Variants in DNAH9 observed in about 807,000 individuals in gnomAD.
The protein encoded by DNAH9 is DNAH9 variant protein.
DNAH9 carries 345 observed loss-of-function variants against 471.6 expected under a neutral mutation model. That is an observed-to-expected ratio of 0.73 (90% CI 0.67 to 0.80). The LOEUF is 0.80. Ranked by LOEUF, DNAH9 falls within the 30% of genes least tolerant of loss-of-function variation. The pLI is 0.00. For missense variants in DNAH9, 5,407 were observed against 5,609.2 expected, an observed-to-expected ratio of 0.96 and a Z score of 1.15; for synonymous variants, 2,093 against 2,123.6, an observed-to-expected ratio of 0.99 and a Z score of 0.40.
intron 61 of DNAH9, among the ~76,000 whole-genome samples, chr17:11,921,419 AAGATGTTAAAAGAGGTTG>A (rs1974135796): frequency 6.6e-6 from 1 of 152,132 alleles, no homozygotes; most frequent in South Asian, 2.1e-4. Context: ...GCACACCGTA[AAGATGTTAAAAGAGGTTG>A]ACAGTGGGGC....
intron 48 of DNAH9, among the ~76,000 whole-genome samples, chr17:11,825,875 AG>A (rs1381154235): frequency 6.6e-6 from 1 of 152,240 alleles, no homozygotes; most frequent in Non-Finnish European, 1.5e-5. Flanking sequence ...TCTAGGAAAT[AG>A]GCAGGCAATT....
At chr17:11,903,776 T>C (rs1305727671) in intron 60 of DNAH9, among the ~76,000 whole-genome samples, 3 of 152,106 alleles carry the variant, frequency 2.0e-5, no homozygotes, top group African/African-American at 7.2e-5. Context: ...CTGGGCGTGG[T>C]GGCGCATTCC....
intron 56 of DNAH9, chr17:11,884,329 G>C: frequency 3.9e-6 from 1 of 254,476 alleles, no homozygotes; most frequent in Non-Finnish European, 8.0e-6. Context: ...CCCCCTGTGA[G>C]GACTAGAAGA....
intron 49 of DNAH9, among the ~76,000 whole-genome samples, chr17:11,849,185 A>G (rs1971327842): frequency 6.6e-6 from 1 of 152,048 alleles, no homozygotes; most frequent in African/African-American, 2.4e-5. Context: ...GCTCGAAAAT[A>G]TGTCCCAAAT....
chr17:11,890,721 T>A (rs1973021741), intron 57 of DNAH9, among the ~76,000 whole-genome samples: 1 of 152,212 alleles, frequency 6.6e-6, no homozygotes, highest in African/African-American at 2.4e-5. Flanking sequence ...TTTCTTAGGT[T>A]ATTTTGAGAC....
intron 45 of DNAH9, among the ~76,000 whole-genome samples, chr17:11,817,761 G>A (rs1448960719): frequency 6.6e-6 from 1 of 152,234 alleles, no homozygotes; most frequent in Non-Finnish European, 1.5e-5. Flanking sequence ...GTAAGATCTT[G>A]ATTTTGACAA....
intron 1 of DNAH9, among the ~76,000 whole-genome samples, chr17:11,601,396 A>G (rs1235346870): frequency 6.6e-6 from 1 of 152,146 alleles, no homozygotes; most frequent in Non-Finnish European, 1.5e-5. Context: ...AAGAGAGGAC[A>G]TTCTTTAACA....
At chr17:11,655,429 T>G (rs1016800322) in intron 14 of DNAH9, among the ~76,000 whole-genome samples, 2 of 151,310 alleles carry the variant, frequency 1.3e-5, no homozygotes, top group African/African-American at 2.4e-5. Context: ...AGATAAAAAT[T>G]TCTTCTGTTC....
intron 56 of DNAH9, chr17:11,884,513 GACGGAAGATGCTT>G (rs1972822078): frequency 4.4e-6 from 2 of 454,968 alleles, no homozygotes; most frequent in African/African-American, 4.0e-5. Context: ...ATATACCTTT[GACGGAAGATGCTT>G]ATTGCCAGAT....
chr17:11,866,199 T>G (rs977762767), intron 50 of DNAH9, among the ~76,000 whole-genome samples: 80 of 151,748 alleles, frequency 5.3e-4, no homozygotes, highest in Non-Finnish European at 1.1e-3. Flanking sequence ...GTTTTTGGTG[T>G]GGATGTCCTT....
chr17:11,963,382 C>T (rs919307605), intron 68 of DNAH9, among the ~76,000 whole-genome samples: 1 of 151,270 alleles, frequency 6.6e-6, no homozygotes, highest in African/African-American at 2.4e-5. Context: ...TGCAGTGAGC[C>T]GAGATCGCAC....
Position 11,694,733 on chromosome 17 carries a change from T to C in DNAH9, c.4872+286T>C, listed in dbSNP as rs1221261342. On this transcript the variant is annotated intron_variant, in intron 22 of 68. Coordinates refer to ENST00000262442, the MANE Select transcript of DNAH9 (RefSeq NM_001372.4). ...CTCTCTCTCTCTCTCTCTCTTTCTC[T>C]TTCTTTCTTTCTTTCTTTCCTTCCT... Among the ~76,000 whole-genome samples, 4 of 3,758 alleles carry C rather than the reference T, an allele frequency of 1.1e-3. 2 individuals carry two copies. The highest frequency in any genetic ancestry group is 1.7e-3 in the African/African-American group (4 of 2,382). 2.5% of individuals were successfully genotyped at this position (3,758 alleles called of 152,430 possible). A position where few individuals can be genotyped will look rare whatever the true frequency, so the allele number is the denominator to read the frequency against.
At chr17:11,885,644 T>A (rs1018575367) in intron 56 of DNAH9, among the ~76,000 whole-genome samples, 4 of 152,230 alleles carry the variant, frequency 2.6e-5, no homozygotes, top group African/African-American at 9.6e-5. Context: ...ATGCCTGTTC[T>A]TTTTCATAAT....
intron 4 of DNAH9, among the ~76,000 whole-genome samples, chr17:11,614,650 A>G (rs1303816629): frequency 6.6e-6 from 1 of 152,192 alleles, no homozygotes; most frequent in East Asian, 1.9e-4. Context: ...TGAGGCTGAG[A>G]AGTTCGAGAT....
intron 26 of DNAH9, among the ~76,000 whole-genome samples, chr17:11,717,286 A>G (rs1246499919): frequency 6.6e-6 from 1 of 152,158 alleles, no homozygotes; most frequent in African/African-American, 2.4e-5. Context: ...TAATCTCAGC[A>G]CTTTGGGAGG....
Position 11,903,018 on chromosome 17 carries a change from T to C in DNAH9, c.11600+106T>C, listed in dbSNP as rs755628348. Reference sequence around the variant, plus strand: ...CTCCAAAGCCATGTGTATATAGTAGTTTCCTGGAGCTAGAGGGTGGGAATA... The same window carrying C: ...CTCCAAAGCCATGTGTATATAGTAGCTTCCTGGAGCTAGAGGGTGGGAATA... On this transcript the variant is annotated intron_variant, in intron 60 of 68. Transcript: ENST00000262442. 8.7e-6 allele frequency: 11 copies of C among 1,260,014 alleles called. No homozygotes were observed. The African/African-American group carries it at 1.6e-4, about 19-fold the overall frequency. 78.1% of individuals were successfully genotyped at this position (1,260,014 alleles called of 1,614,324 possible). A position where few individuals can be genotyped will look rare whatever the true frequency, so the allele number is the denominator to read the frequency against.
chr17:11,820,489 T>A (rs948631369), intron 45 of DNAH9, among the ~76,000 whole-genome samples: 3 of 152,038 alleles, frequency 2.0e-5, no homozygotes, highest in Non-Finnish European at 4.4e-5. Flanking sequence ...ACCTCATTTC[T>A]ACAAACAAAA....
intron 2 of DNAH9, among the ~76,000 whole-genome samples, chr17:11,609,814 C>T (rs79956148): frequency 0.016 from 2,428 of 152,242 alleles, 67 homozygotes; most frequent in African/African-American, 0.052. Context: ...CAAGTGAAAT[C>T]GTGATGGTGA....
intron 1 of DNAH9, 82 bp downstream of exon 1, chr17:11,598,997 A>AG: frequency 1.8e-6 from 1 of 542,536 alleles, no homozygotes; most frequent in Non-Finnish European, 2.6e-6. Context: ...AGGCGGGGCC[A>AG]GAGGGGGCGG....
Sources: gnomAD v4.1 joint callset for allele counts (sites outside exome capture counted in the v4.1 genomes callset) on GRCh38, gnomAD v4.1.1 for gene constraint, MANE v1.5 for transcripts, NCBI Gene and HGNC (gene_info 2026-07-23, HGNC 2026-07-21) for gene names.